ANKFN1: variants seen among roughly 807,000 people sequenced by gnomAD.
The protein encoded by ANKFN1 is ankyrin repeat and fibronectin type III domain containing 1.
ANKFN1 carries 74 observed loss-of-function variants against 108.7 expected under a neutral mutation model. The observed-to-expected ratio is 0.68, with a 90% CI of 0.56 to 0.83. ANKFN1 has a LOEUF of 0.83. Ranked by LOEUF, ANKFN1 falls within the 40% of genes least tolerant of loss-of-function variation. ANKFN1 has a pLI of 0.00. For missense variants in ANKFN1, 1,505 were observed against 1,382.3 expected (o/e 1.09, Z -1.41); for synonymous variants, 547 against 516.2 (o/e 1.06, Z -0.81).
At chr17:56,269,879 T>C (rs1264070051) in intron 3 of ANKFN1, among the ~76,000 whole-genome samples, 2 of 152,164 alleles carry the variant, frequency 1.3e-5, no homozygotes, top group African/African-American at 4.8e-5. Flanking sequence ...AGCCATGTTT[T>C]CCCTCATTCC....
chr17:56,098,438 ACG>A lies in ANKFN1; in HGVS notation c.288+52121_288+52122del, dbSNP rs953196592. On this transcript the variant is annotated intron_variant, in intron 4 of 12. Coordinates refer to the ANKFN1 transcript ENST00000635860. ...CACAAACACACACACACACACACACACGCGCGCGCACATACTCTATCCCCATT... is the reference window on the plus strand; with the variant it reads ...CACAAACACACACACACACACACACACGCGCGCACATACTCTATCCCCATT... Among the ~76,000 whole-genome samples, 820 of 132,506 alleles carry A rather than the reference ACG, an allele frequency of 6.2e-3. 2 individuals carry two copies. Among genetic ancestry groups the A allele is most frequent in the African/African-American group, 0.02 (503 of 25,236 alleles). 86.9% of individuals were successfully genotyped at this position (132,506 alleles called of 152,430 possible).
intron 4 of ANKFN1, among the ~76,000 whole-genome samples, chr17:56,066,744 A>G (rs1248253982): frequency 1.3e-5 from 2 of 152,068 alleles, no homozygotes; most frequent in Admixed American, 1.3e-4. Context: ...TCCCCTCCCC[A>G]TAGCCCCTGG....
chr17:56,060,780 C>A (rs911257519), intron 4 of ANKFN1, among the ~76,000 whole-genome samples: 1 of 152,168 alleles, frequency 6.6e-6, no homozygotes, highest in Non-Finnish European at 1.5e-5. Context: ...AGGGATGAAG[C>A]CAACTTGATC....
chr17:56,138,985 C>T (rs1232648169), intron 4 of ANKFN1, among the ~76,000 whole-genome samples: 1 of 152,172 alleles, frequency 6.6e-6, no homozygotes, highest in African/African-American at 2.4e-5. Flanking sequence ...TAAATATACA[C>T]ATGTCCTCTT....
intron 4 of ANKFN1, among the ~76,000 whole-genome samples, chr17:56,078,661 C>T (rs1199213548): frequency 2.0e-5 from 3 of 152,110 alleles, no homozygotes; most frequent in African/African-American, 7.2e-5. Context: ...CATAATAAGT[C>T]CTCTCTTTCT....
At chr17:56,315,239 T>C (rs2045166556) in intron 3 of ANKFN1, among the ~76,000 whole-genome samples, 2 of 151,860 alleles carry the variant, frequency 1.3e-5, no homozygotes, top group Admixed American at 1.3e-4. Context: ...GCATGATTCA[T>C]TCTCTCTCTC....
At chr17:56,236,425 T>G (rs777522145) in intron 3 of ANKFN1, among the ~76,000 whole-genome samples, 6 of 152,040 alleles carry the variant, frequency 3.9e-5, no homozygotes, top group South Asian at 2.1e-4. Context: ...TTAGCTGTAT[T>G]CCTAGATATT....
At chr17:56,274,617 G>A (rs975727281) in intron 3 of ANKFN1, among the ~76,000 whole-genome samples, 1 of 152,118 alleles carries the variant, frequency 6.6e-6, no homozygotes, top group Non-Finnish European at 1.5e-5. Flanking sequence ...TTGAAACACG[G>A]GCTCCCATCT....
intron 2 of ANKFN1, among the ~76,000 whole-genome samples, chr17:56,217,326 C>T (rs1356574735): frequency 6.6e-6 from 1 of 152,166 alleles, no homozygotes; most frequent in Admixed American, 6.5e-5. Flanking sequence ...AGATCTAGAC[C>T]AACTGTGCAT....
At chr17:56,250,670 C>T (rs2043212982) in intron 3 of ANKFN1, among the ~76,000 whole-genome samples, 1 of 152,170 alleles carries the variant, frequency 6.6e-6, no homozygotes, top group Admixed American at 6.5e-5. Flanking sequence ...TTGAGCAAGC[C>T]AACAGTTGAT....
At chr17:56,053,497 A>G (rs1904813450) in intron 4 of ANKFN1, among the ~76,000 whole-genome samples, 1 of 152,130 alleles carries the variant, frequency 6.6e-6, no homozygotes, top group South Asian at 2.1e-4. Flanking sequence ...ATTCCCTTTT[A>G]TGGCTAAATA....
chr17:56,386,159 A>G (rs926039488), intron 8 of ANKFN1, among the ~76,000 whole-genome samples: 42 of 151,472 alleles, frequency 2.8e-4, no homozygotes, highest in Non-Finnish European at 5.3e-4. Context: ...TGATGAGTTC[A>G]TGTCCTTTGT....
intron 2 of ANKFN1, among the ~76,000 whole-genome samples, chr17:56,225,641 T>C (rs1236242991): frequency 6.6e-6 from 1 of 152,250 alleles, no homozygotes; most frequent in African/African-American, 2.4e-5. Flanking sequence ...TGAAGGCCTC[T>C]CTTTCTCCTT....
At chr17:56,211,121 T>C (rs1219121949) in intron 1 of ANKFN1, among the ~76,000 whole-genome samples, 2 of 152,248 alleles carry the variant, frequency 1.3e-5, no homozygotes, top group Non-Finnish European at 2.9e-5. Context: ...GTCCCATCTA[T>C]TTATCTTTGT....
intron 4 of ANKFN1, among the ~76,000 whole-genome samples, chr17:56,092,285 T>TTTTTTTTTTTTTTTTTTTTTTTC (rs60379435): frequency 7.0e-6 from 1 of 143,208 alleles, no homozygotes; most frequent in African/African-American, 2.8e-5. Flanking sequence ...TTTTTTTTTT[T>TTTTTTTTTTTTTTTTTTTTTTTC]TTGAGATGGA....
intron 3 of ANKFN1, among the ~76,000 whole-genome samples, chr17:56,268,533 G>A (rs1338590671): frequency 6.6e-6 from 1 of 152,070 alleles, no homozygotes; most frequent in Non-Finnish European, 1.5e-5. Context: ...AGAAAAACCA[G>A]AGCAAACCAA....
chr17:56,482,421 C>T lies in ANKFN1; in HGVS notation c.2157C>T (p.Leu719=), dbSNP rs1375817144. 6.2e-7 allele frequency: 1 copy of T among 1,613,418 alleles called. No homozygotes were observed. The highest frequency in any genetic ancestry group is 8.5e-7 in the Non-Finnish European group (1 of 1,179,692). ...TGGGTCACAATGTGTCCTTTCTTCT[C>T]CTGCTCCCTGCCTCAGACGACGTCT... ...LEMGHNVSFL[L]LLPASDDVCT... The change falls in exon 18 of 21, where the codon CTC becomes CTT. Residue 719 remains leucine (L), a synonymous_variant. Transcript: ENST00000682825.
At chr17:56,341,515 G>A (rs1237117678) in intron 4 of ANKFN1, among the ~76,000 whole-genome samples, 2 of 152,050 alleles carry the variant, frequency 1.3e-5, no homozygotes, top group African/African-American at 4.8e-5. Flanking sequence ...TTAACATGAA[G>A]AGATGTTGAA....
At chr17:56,449,026 A>C in intron 10 of ANKFN1, 53 bp from the exon 11 acceptor site, 104 of 1,419,788 alleles carry the variant, frequency 7.3e-5, no homozygotes, top group Non-Finnish European at 8.8e-5. Flanking sequence ...AGGGCAAGGA[A>C]GAGGCCTCCC....
Sources: allele counts gnomAD v4.1 joint callset (sites outside exome capture counted in the v4.1 genomes callset), GRCh38; gene constraint gnomAD v4.1.1; transcripts MANE v1.5; gene names NCBI Gene and HGNC (gene_info 2026-07-23, HGNC 2026-07-21).